Variants in CAST observed in about 807,000 individuals in gnomAD.
CAST encodes the protein calpastatin.
A neutral mutation model predicts 119.6 loss-of-function variants in CAST; 76 were observed. The ratio of observed to expected loss-of-function variants is 0.64; its 90% CI spans 0.53 to 0.77. The LOEUF (loss-of-function observed/expected upper bound fraction) is 0.77. Ranked by LOEUF, CAST falls within the 30% of genes least tolerant of loss-of-function variation. The probability of loss-of-function intolerance (pLI) is 0.00; values close to 1 mark genes in which losing one functional copy is unlikely to be tolerated. For synonymous variants in CAST, 319 were observed against 331.6 expected, an observed-to-expected ratio of 0.96 and a Z score of 0.41; for missense variants, 953 against 946.5, an observed-to-expected ratio of 1.01 and a Z score of -0.09.
At chr5:95,996,058 A>G in the CAST span, among the ~76,000 whole-genome samples, 2 of 152,210 alleles carry the variant, frequency 1.3e-5, no homozygotes, top group African/African-American at 4.8e-5. Context: ...CCAAGGCAGC[A>G]TAGAAACTAA....
At chr5:96,697,165 T>G (rs2150308394) in intron 3 of CAST, among the ~76,000 whole-genome samples, 1 of 151,768 alleles carries the variant, frequency 6.6e-6, no homozygotes, top group East Asian at 1.9e-4. Context: ...AGACCCTGTC[T>G]CAAAAAAAAG....
the CAST span, among the ~76,000 whole-genome samples, chr5:95,970,631 T>C: frequency 6.6e-6 from 1 of 152,208 alleles, no homozygotes; most frequent in African/African-American, 2.4e-5. Context: ...TATTGCATAG[T>C]ACTAACAGAG....
intron 1 of CAST, among the ~76,000 whole-genome samples, chr5:96,549,352 C>G (rs1373645879): frequency 1.3e-5 from 2 of 152,192 alleles, no homozygotes; most frequent in South Asian, 2.1e-4. Context: ...ATGAAACAAA[C>G]TAGGCCCTTA....
At chr5:96,676,949 G>T (rs185817156) in intron 2 of CAST, among the ~76,000 whole-genome samples, 18 of 151,412 alleles carry the variant, frequency 1.2e-4, no homozygotes, top group Non-Finnish European at 2.1e-4. Flanking sequence ...AGCTACTCTG[G>T]AAGCTGAGGC....
the CAST span, among the ~76,000 whole-genome samples, chr5:96,275,938 G>A: frequency 6.6e-6 from 1 of 152,180 alleles, no homozygotes; most frequent in Non-Finnish European, 1.5e-5. Context: ...AGCTCCTGTT[G>A]CTCTTCCTTC....
At chr5:96,356,513 GGT>G in the CAST span, among the ~76,000 whole-genome samples, 1 of 152,134 alleles carries the variant, frequency 6.6e-6, no homozygotes, top group Non-Finnish European at 1.5e-5. Flanking sequence ...TTTTGCATAA[GGT>G]GTAAGGAAGG....
At chr5:96,607,017 G>A (rs1228771307) in intron 1 of CAST, among the ~76,000 whole-genome samples, 1 of 152,174 alleles carries the variant, frequency 6.6e-6, no homozygotes, top group African/African-American at 2.4e-5. Context: ...TGGCGGGCGC[G>A]GTAGCTCACG....
the CAST span, among the ~76,000 whole-genome samples, chr5:96,387,279 C>CCT: frequency 6.6e-6 from 1 of 152,176 alleles, no homozygotes; most frequent in Non-Finnish European, 1.5e-5. Context: ...TTGAGAAAAG[C>CCT]TAAGGCTTGT....
the CAST span, chr5:96,423,266 G>T: frequency 6.4e-7 from 1 of 1,565,336 alleles, no homozygotes; most frequent in Non-Finnish European, 8.7e-7. Flanking sequence ...CTGTGTGTCT[G>T]CACAGACAGC....
At chr5:96,217,654 C>T in the CAST span, among the ~76,000 whole-genome samples, 1 of 152,170 alleles carries the variant, frequency 6.6e-6, no homozygotes, top group Non-Finnish European at 1.5e-5. Flanking sequence ...AATGGATGAT[C>T]TATTACTATG....
the CAST span, among the ~76,000 whole-genome samples, chr5:96,044,401 G>T: frequency 3.9e-5 from 6 of 152,166 alleles, no homozygotes; most frequent in African/African-American, 1.4e-4. Context: ...ACAGCTAGAA[G>T]ATCTATAAAA....
At chr5:96,670,819 T>C (rs62364716) in intron 1 of CAST, among the ~76,000 whole-genome samples, 2,009 of 152,290 alleles carry the variant, frequency 0.013, 19 homozygotes, top group Non-Finnish European at 0.02. Context: ...TTTTATCTTG[T>C]TTTGTGTGAC....
chr5:96,633,363 T>C (rs1404836880), intron 1 of CAST, among the ~76,000 whole-genome samples: 1 of 152,256 alleles, frequency 6.6e-6, no homozygotes, highest in Admixed American at 6.5e-5. Flanking sequence ...TCCATGTATT[T>C]AGGTCTTCTT....
At chr5:96,710,999 A>G (rs1168507622) in intron 3 of CAST, among the ~76,000 whole-genome samples, 2 of 152,114 alleles carry the variant, frequency 1.3e-5, no homozygotes, top group Non-Finnish European at 2.9e-5. Context: ...TTGTGTGCTG[A>G]ATTATTCTCA....
the CAST span, among the ~76,000 whole-genome samples, chr5:96,194,785 A>G: frequency 1.3e-5 from 2 of 152,204 alleles, no homozygotes; most frequent in Non-Finnish European, 2.9e-5. Flanking sequence ...ATATTGTGGC[A>G]TAATTTGCCA....
chr5:96,545,693 AT>A (rs1287807525), intron 1 of CAST, among the ~76,000 whole-genome samples: 3 of 152,206 alleles, frequency 2.0e-5, no homozygotes, highest in African/African-American at 7.2e-5. Context: ...AAGCCCATAC[AT>A]AGCCTCTATC....
At chr5:96,090,280 G>C in the CAST span, among the ~76,000 whole-genome samples, 3 of 152,128 alleles carry the variant, frequency 2.0e-5, no homozygotes, top group East Asian at 1.9e-4. Flanking sequence ...CTGACTGAAG[G>C]TTCTATGGCT....
At chr5:96,173,212 A>G in the CAST span, among the ~76,000 whole-genome samples, 2 of 152,202 alleles carry the variant, frequency 1.3e-5, no homozygotes, top group African/African-American at 4.8e-5. Flanking sequence ...CACAAAAAGC[A>G]ACTAAGATCT....
the CAST span, chr5:95,961,439 GC>G: frequency 8.7e-7 from 1 of 1,146,536 alleles, no homozygotes; most frequent in Non-Finnish European, 1.1e-6. Context: ...GCCCGGCCCT[GC>G]CCTGCCTGGC....
Sources: gnomAD v4.1 joint callset for allele counts (sites outside exome capture counted in the v4.1 genomes callset) on GRCh38, gnomAD v4.1.1 for gene constraint, MANE v1.5 for transcripts, NCBI Gene and HGNC (gene_info 2026-07-23, HGNC 2026-07-21) for gene names.